The following SLC30A8 variants were observed in gnomAD, a reference collection of about 807,000 sequenced individuals.
SLC30A8 encodes solute carrier family 30 member 8.
A neutral mutation model predicts 36.9 loss-of-function variants in SLC30A8; 27 were observed. The ratio of observed to expected loss-of-function variants is 0.73; its 90% CI spans 0.54 to 1.01. SLC30A8 has a LOEUF of 1.01. Ranked by LOEUF, SLC30A8 falls within the 50% of genes least tolerant of loss-of-function variation. The pLI is 0.00. For synonymous variants in SLC30A8, 164 were observed against 172.4 expected (o/e 0.95, Z 0.38); for missense variants, 439 against 452.0 (o/e 0.97, Z 0.26).
chr8:117,145,536 T>TTTTG (rs200482000), intron 1 of SLC30A8, among the ~76,000 whole-genome samples: 6 of 152,080 alleles, frequency 3.9e-5, no homozygotes, highest in African/African-American at 9.7e-5. Flanking sequence ...ATATTGTTAG[T>TTTTG]TTTGTTTGTT....
rs2129820216 is a variant in SLC30A8, at chr8:117,175,983, T to C, written c.*3302T>C. The C allele has an allele frequency of 6.6e-6, 1 of 152,178 alleles. No individual in the cohort carries two copies. The highest frequency in any genetic ancestry group is 2.4e-5 in the African/African-American group (1 of 41,546). The allele number at this position is 152,178 out of a possible 1,614,324, so 9.4% of individuals were successfully genotyped here. A position where few individuals can be genotyped will look rare whatever the true frequency, so the allele number is the denominator to read the frequency against. On this transcript the variant is annotated 3_prime_UTR_variant, in exon 8 of 8. Transcript: ENST00000456015. ...AGAATTGTCACTCCAAGGACATTTA[T>C]TAATAAAAAGAACAACTGTCCAGTG...
chr8:117,044,915 G>A (rs1375048297), intron 2 of SLC30A8, among the ~76,000 whole-genome samples: 2 of 152,258 alleles, frequency 1.3e-5, no homozygotes, highest in East Asian at 1.9e-4. Flanking sequence ...TTCTGCCTCA[G>A]AACTAGCTGC....
intron 2 of SLC30A8, among the ~76,000 whole-genome samples, chr8:117,093,565 G>A (rs375341162): frequency 9.9e-5 from 15 of 152,032 alleles, no homozygotes; most frequent in Non-Finnish European, 4.4e-5. Context: ...GCTAGTGAGG[G>A]CCTATTTTTA....
intron 1 of SLC30A8, among the ~76,000 whole-genome samples, chr8:117,143,827 A>T (rs2076310625): frequency 6.6e-6 from 1 of 152,118 alleles, no homozygotes; most frequent in African/African-American, 2.4e-5. Flanking sequence ...AGAACCCAAG[A>T]CAGGGAAGCA....
At chr8:116,971,786 C>G (rs1287946454) in intron 1 of SLC30A8, among the ~76,000 whole-genome samples, 1 of 152,120 alleles carries the variant, frequency 6.6e-6, no homozygotes, top group African/African-American at 2.4e-5. Flanking sequence ...CTAAATAGCA[C>G]TGCAACTGTA....
chr8:116,970,647 G>A (rs1278695683), intron 1 of SLC30A8, among the ~76,000 whole-genome samples: 1 of 152,056 alleles, frequency 6.6e-6, no homozygotes, highest in Admixed American at 6.6e-5. Context: ...AATTGTATGG[G>A]ACCACCATCA....
rs192091050 is a variant in SLC30A8 at position 117,094,843 on chromosome 8, C to T, written c.-225-40437C>T. On this transcript the variant is annotated intron_variant, in intron 2 of 10. Coordinates refer to the SLC30A8 transcript ENST00000427715. ...GAGTACTGAGCTGCCCTTAGCCCCA[C>T]CTCAGCCTCCTTCCCATGCTTGTTG... Among the ~76,000 whole-genome samples, 163 of 152,338 alleles carry T rather than the reference C, an allele frequency of 1.1e-3. 1 individual carries two copies. Among genetic ancestry groups the T allele is most frequent in the African/African-American group, 3.8e-3 (160 of 41,584 alleles).
At chr8:117,166,958 A>C (rs1349569649) in intron 6 of SLC30A8, among the ~76,000 whole-genome samples, 1 of 151,822 alleles carries the variant, frequency 6.6e-6, no homozygotes, top group Non-Finnish European at 1.5e-5. Flanking sequence ...TGGATAACGG[A>C]GTCAAATGTC....
chr8:117,171,747 A>G (rs183077557), intron 7 of SLC30A8, among the ~76,000 whole-genome samples: 199 of 152,274 alleles, frequency 1.3e-3, no homozygotes, highest in African/African-American at 4.5e-3. Flanking sequence ...TTTGTCTCTG[A>G]TATGTCCTAG....
chr8:117,175,772 C>T lies in SLC30A8; in HGVS notation c.*3091C>T. 6.6e-6 allele frequency: 1 copy of T among 151,998 alleles called. No individual in the cohort carries two copies. The allele number at this position is 151,998 out of a possible 1,614,324, so 9.4% of individuals were successfully genotyped here. A position where few individuals can be genotyped will look rare whatever the true frequency, so the allele number is the denominator to read the frequency against. ...AAATTTTGAGTTATCAACACCGTTC[C>T]CACAAGACAGTGGCAAAATTATTGG... is the stretch of plus-strand genomic sequence containing the variant. On this transcript the variant is annotated 3_prime_UTR_variant, in exon 8 of 8. Transcript: ENST00000456015.
chr8:116,983,677 A>G (rs1815348922), intron 1 of SLC30A8, among the ~76,000 whole-genome samples: 1 of 151,994 alleles, frequency 6.6e-6, no homozygotes, highest in Non-Finnish European at 1.5e-5. Flanking sequence ...GTTTCTTAAT[A>G]TATTTTTGGT....
At chr8:117,163,370 T>G (rs2129683761) in intron 5 of SLC30A8, 55 bp from the exon 6 acceptor site, 1 of 1,352,032 alleles carries the variant, frequency 7.4e-7, no homozygotes, top group Middle Eastern at 1.8e-4. Flanking sequence ...TTAATCAGAC[T>G]TTCTGAAAGA....
At chr8:117,171,225 G>A (rs766518406) in intron 7 of SLC30A8, 57 bp downstream of exon 7, 8 of 1,569,942 alleles carry the variant, frequency 5.1e-6, no homozygotes, top group Non-Finnish European at 7.0e-6. Context: ...TGTAAAGTCA[G>A]TAATTTCCCT....
intron 4 of SLC30A8, among the ~76,000 whole-genome samples, chr8:117,159,514 C>G (rs1185694414): frequency 4.6e-5 from 7 of 152,162 alleles, no homozygotes; most frequent in African/African-American, 1.7e-4. Flanking sequence ...CTCAAAATCT[C>G]TGAGCTAAAT....
rs187450859 is a variant in SLC30A8, at chr8:117,112,148, G to C, written c.-225-23132G>C. Among the ~76,000 whole-genome samples, 6 of 152,194 alleles carry C rather than the reference G, an allele frequency of 3.9e-5. No homozygotes were observed. In the East Asian group the frequency reaches 1.2e-3, roughly 29 times the overall value. On this transcript the variant is annotated intron_variant, in intron 2 of 10. Coordinates refer to the SLC30A8 transcript ENST00000427715. ...AATTTAACTACTAGGAGTTTGTGAA[G>C]ATATCACCTCATGGGTTCATTGATA...
intron 1 of SLC30A8, among the ~76,000 whole-genome samples, chr8:116,972,850 TA>T (rs1426634375): frequency 1.4e-4 from 21 of 152,166 alleles, no homozygotes; most frequent in African/African-American, 2.4e-5. Flanking sequence ...TCCTTATTAG[TA>T]AAAAAGCCCT....
chr8:117,113,462 G>A lies in SLC30A8; in HGVS notation c.-225-21818G>A, dbSNP rs1310650403. ...GAGATAAGAAAATTGTTGCAAAAGT[G>A]TAAGTGTTATCCAAAAGTAAGGTAT... On this transcript the variant is annotated intron_variant, in intron 2 of 10. Coordinates refer to the SLC30A8 transcript ENST00000427715. Among the ~76,000 whole-genome samples the A allele has an allele frequency of 2.0e-5, 3 of 152,140 alleles. 1 individual carries two copies. The highest frequency in any genetic ancestry group is 4.1e-4 in the South Asian group (2 of 4,834).
At chr8:117,008,402 T>G (rs1045536243) in intron 1 of SLC30A8, among the ~76,000 whole-genome samples, 1 of 152,214 alleles carries the variant, frequency 6.6e-6, no homozygotes, top group South Asian at 2.1e-4. Context: ...AGCTATTTTA[T>G]TTGAGAATGA....
intron 2 of SLC30A8, among the ~76,000 whole-genome samples, chr8:117,127,090 A>T (rs1268621122): frequency 6.6e-6 from 1 of 151,978 alleles, no homozygotes; most frequent in Non-Finnish European, 1.5e-5. Flanking sequence ...AAGAGAGGCC[A>T]CTGGACCTGT....
Sources: gnomAD v4.1 joint callset for allele counts (sites outside exome capture counted in the v4.1 genomes callset) on GRCh38, gnomAD v4.1.1 for gene constraint, MANE v1.5 for transcripts, NCBI Gene and HGNC (gene_info 2026-07-23, HGNC 2026-07-21) for gene names.